The following PGLYRP3 variants were observed in gnomAD, a reference collection of about 807,000 sequenced individuals.
The protein encoded by PGLYRP3 is peptidoglycan recognition protein I alpha.
In PGLYRP3, 39 loss-of-function variants were observed where a neutral mutation model predicts 36.0. That is an observed-to-expected ratio of 1.08 (90% confidence interval 0.84 to 1.41). The LOEUF (loss-of-function observed/expected upper bound fraction) is 1.41, where lower values mean the gene tolerates loss of function less well. Ranked by LOEUF, PGLYRP3 falls within the 40% of genes most tolerant of loss-of-function variation. The pLI, the probability that PGLYRP3 is intolerant of heterozygous loss-of-function variation, is 0.00. For missense variants in PGLYRP3, 407 were observed against 427.9 expected (o/e 0.95, Z 0.43); for synonymous variants, 204 against 172.8 (o/e 1.18, Z -1.42).
At chr1:153,309,678 G>A (rs934636938) in intron 2 of PGLYRP3, among the ~76,000 whole-genome samples, 1 of 152,200 alleles carries the variant, frequency 6.6e-6, no homozygotes, top group Non-Finnish European at 1.5e-5. Context: ...GGCTGTGAAG[G>A]GGACACAGAG....
chr1:153,299,238 T>A lies in PGLYRP3; in HGVS notation c.729-7A>T. The A allele has an allele frequency of 6.2e-7, 1 of 1,608,368 alleles. No homozygotes were observed. The highest frequency in any genetic ancestry group is 1.3e-5 in the African/African-American group (1 of 74,904). Reference sequence around the variant, plus strand: ...ATCCTGGCCCACCAGGAAGCTTAGGTCAGGAAAAGAAAATGAAGACAGTCA... The same window carrying A: ...ATCCTGGCCCACCAGGAAGCTTAGGACAGGAAAAGAAAATGAAGACAGTCA... On this transcript the variant is annotated splice_polypyrimidine_tract_variant and splice_region_variant and intron_variant, in intron 6 of 7. Transcript: ENST00000683862.
At chr1:153,302,663 A>C in intron 5 of PGLYRP3, 56 bp from the exon 6 acceptor site, 1 of 1,540,224 alleles carries the variant, frequency 6.5e-7, no homozygotes, top group Non-Finnish European at 9.0e-7. Context: ...CTCTGTGAGC[A>C]ATCACTCAAC....
chr1:153,310,119 C>T (rs183506330), intron 2 of PGLYRP3, among the ~76,000 whole-genome samples: 1 of 152,186 alleles, frequency 6.6e-6, no homozygotes, highest in Admixed American at 6.5e-5. Flanking sequence ...TGTGTCTACT[C>T]TTATGTATAT....
rs771713172 is a variant in PGLYRP3, at chr1:153,310,662, C to G, written c.4G>C (p.Gly2Arg). 1 of 1,613,890 alleles carries G rather than the reference C, an allele frequency of 6.2e-7. No homozygotes were observed. The highest frequency in any genetic ancestry group is 1.3e-5 in the African/African-American group (1 of 74,912). ...AAGGCAAGAAGCCATGGCAGCGTCCCCATGTGGTCCCAGGACTCTGACCGG... is the reference window on the plus strand; with the variant it reads ...AAGGCAAGAAGCCATGGCAGCGTCCGCATGTGGTCCCAGGACTCTGACCGG... M[G>R]TLPWLLAFFI... Residue 2 changes from glycine (G) to arginine (R), a missense_variant, in exon 2 of 8, where the codon GGG becomes CGG. Transcript: ENST00000683862.
Position 153,306,461 on chromosome 1 carries a change from C to T in PGLYRP3, c.257+605G>A, listed in dbSNP as rs531526844. 2.6e-5 allele frequency among the ~76,000 whole-genome samples: 4 copies of T among 152,308 alleles called. No individual in the cohort carries two copies. In the East Asian group the frequency reaches 5.8e-4, roughly 22 times the overall value. Reference sequence around the variant, plus strand: ...CCTTGTTTCTTGCGGGTCTCTCCTCCCCGCCATTCCCAAAGCCCACTCTCC... The same window carrying T: ...CCTTGTTTCTTGCGGGTCTCTCCTCTCCGCCATTCCCAAAGCCCACTCTCC... On this transcript the variant is annotated intron_variant, in intron 3 of 7. Coordinates refer to ENST00000683862, the MANE Select transcript of PGLYRP3 (RefSeq NM_052891.3).
chr1:153,307,732 C>G (rs1027724110), intron 2 of PGLYRP3, among the ~76,000 whole-genome samples: 2 of 152,150 alleles, frequency 1.3e-5, no homozygotes, highest in Non-Finnish European at 1.5e-5. Flanking sequence ...CTGAAGGAAG[C>G]TCTATCAGTC....
intron 2 of PGLYRP3, among the ~76,000 whole-genome samples, chr1:153,308,082 C>T (rs1373117865): frequency 4.6e-5 from 7 of 152,024 alleles, no homozygotes; most frequent in African/African-American, 1.7e-4. Context: ...GCAGCCTCCA[C>T]CTCCCGGATT....
rs77677840 is a variant in PGLYRP3 at position 153,304,259 on chromosome 1, G to A, written c.377-250C>T. On this transcript the variant is annotated intron_variant, in intron 4 of 7. Coordinates refer to ENST00000683862, the MANE Select transcript of PGLYRP3 (RefSeq NM_052891.3). ...CACTCCATCTCTAGGCAGAAGAGCT[G>A]GAAGGCAGTGAAGGATACATGCAAA... Among the ~76,000 whole-genome samples the A allele has an allele frequency of 6.5e-3, 985 of 152,322 alleles. 14 individuals are homozygous for A. Among genetic ancestry groups the A allele is most frequent in the African/African-American group, 0.023 (937 of 41,572 alleles).
Position 153,297,825 on chromosome 1 carries a change from G to A in PGLYRP3, c.*131C>T, listed in dbSNP as rs539852139. 1 of 1,042,614 alleles carries A rather than the reference G, an allele frequency of 9.6e-7. No individual in the cohort carries two copies. Among genetic ancestry groups the A allele is most frequent in the East Asian group, 2.5e-5 (1 of 40,148 alleles). 64.6% of individuals were successfully genotyped at this position (1,042,614 alleles called of 1,614,324 possible). ...GGAGGATGTTGGCAGGAAAGGACATGACCATTCAAACCTGAGAAAGGATGG... is the reference window on the plus strand; with the variant it reads ...GGAGGATGTTGGCAGGAAAGGACATAACCATTCAAACCTGAGAAAGGATGG... On this transcript the variant is annotated 3_prime_UTR_variant, in exon 8 of 8. Transcript: ENST00000683862.
chr1:153,312,701 T>C lies in PGLYRP3; in HGVS notation c.-100A>G, dbSNP rs1659926442. ...CAGGGTGCAGTCGGCTCGCCCCTGA[T>C]TGGCCAGCAGCTCCTTCCCTTCCAG... On this transcript the variant is annotated 5_prime_UTR_variant, in exon 1 of 8. Coordinates refer to ENST00000683862, the MANE Select transcript of PGLYRP3 (RefSeq NM_052891.3). Among the ~76,000 whole-genome samples, 1 of 151,984 alleles carries C rather than the reference T, an allele frequency of 6.6e-6. No homozygotes were observed. The highest frequency in any genetic ancestry group is 2.4e-5 in the African/African-American group (1 of 41,408).
At chr1:153,310,480 G>A in intron 2 of PGLYRP3, 131 bp downstream of exon 2, 1 of 883,056 alleles carries the variant, frequency 1.1e-6, no homozygotes, top group Non-Finnish European at 1.9e-6. Context: ...TCTAGAACAG[G>A]GCTCCAAATT....
At chr1:153,310,849 C>G (rs1659878276) in intron 1 of PGLYRP3, 143 bp from the exon 2 acceptor site, 1 of 569,420 alleles carries the variant, frequency 1.8e-6, no homozygotes, top group Non-Finnish European at 3.2e-6. Flanking sequence ...CTCGGGGCCC[C>G]TTAAACACAT....
rs1557811306 is a variant in PGLYRP3, at chr1:153,307,231, GC to G, written c.91del (p.Ala31GlnfsTer10). 1.9e-6 allele frequency: 3 copies of G among 1,609,792 alleles called. No individual in the cohort carries two copies. The highest frequency in any genetic ancestry group is 2.2e-5 in the South Asian group (2 of 90,148). The stretch of plus-strand genomic sequence containing the variant: ...CAGGGCCCTGCAGGCGAGCGGTCTT[GC>G]CCCCCACTCCTTGCGGGAGACGATG... ...PTIVSRKEWG[A>X]RPLACRALLT... On this transcript the variant is annotated frameshift_variant, in exon 3 of 8. Coordinates refer to ENST00000683862, the MANE Select transcript of PGLYRP3 (RefSeq NM_052891.3). LOFTEE classifies it high-confidence loss of function.
chr1:153,298,585 G>A (rs1659505267), intron 7 of PGLYRP3, among the ~76,000 whole-genome samples: 1 of 152,152 alleles, frequency 6.6e-6, no homozygotes, highest in Admixed American at 6.5e-5. Context: ...GGAGCTTGCA[G>A]TGAGCCGACA....
intron 6 of PGLYRP3, among the ~76,000 whole-genome samples, chr1:153,300,709 T>C (rs1409334851): frequency 6.6e-6 from 1 of 152,196 alleles, no homozygotes; most frequent in African/African-American, 2.4e-5. Context: ...CTGTCTCCAC[T>C]AATGAACTGG....
intron 2 of PGLYRP3, 135 bp from the exon 3 acceptor site, chr1:153,307,402 AC>A: frequency 1.3e-6 from 1 of 778,164 alleles, no homozygotes; most frequent in Non-Finnish European, 2.1e-6. Context: ...GGAGCCCTTC[AC>A]CACCAAAGCC....
At chr1:153,308,160 A>G (rs1659801502) in intron 2 of PGLYRP3, among the ~76,000 whole-genome samples, 1 of 151,878 alleles carries the variant, frequency 6.6e-6, no homozygotes, top group Admixed American at 6.6e-5. Context: ...ATGCCAAACT[A>G]ATTTTTTGTA....
intron 1 of PGLYRP3, among the ~76,000 whole-genome samples, chr1:153,311,152 C>T (rs979238741): frequency 2.6e-5 from 4 of 152,146 alleles, no homozygotes; most frequent in East Asian, 1.9e-4. Flanking sequence ...GGCTTGGCTT[C>T]GCCCCCTGCA....
chr1:153,310,625 C>A lies in PGLYRP3; in HGVS notation c.41G>T (p.Gly14Val), dbSNP rs1204964272. The part of the protein sequence containing the change: ...LPWLLAFFIL[G>V]LQAWDTPTIV... ...ATAAAACTTACCCCAAGCCTGGAGA[C>A]CCAGAATGAAGAAGGCAAGAAGCCA... Residue 14 changes from glycine (G) to valine (V), a missense_variant, in exon 2 of 8, where the codon GGT becomes GTT. Coordinates refer to ENST00000683862, the MANE Select transcript of PGLYRP3 (RefSeq NM_052891.3). 6.2e-7 allele frequency: 1 copy of A among 1,614,124 alleles called. No homozygotes were observed. Among genetic ancestry groups the A allele is most frequent in the South Asian group, 1.1e-5 (1 of 91,080 alleles).
Sources: gnomAD v4.1 joint callset for allele counts (sites outside exome capture counted in the v4.1 genomes callset) on GRCh38, gnomAD v4.1.1 for gene constraint, MANE v1.5 for transcripts, NCBI Gene and HGNC (gene_info 2026-07-23, HGNC 2026-07-21) for gene names.